Variants in NF1 observed in about 807,000 individuals in gnomAD.
The protein encoded by NF1 is neurofibromin.
Under a neutral mutation model 325.7 loss-of-function variants are expected in NF1, and 122 were observed. That is an observed-to-expected ratio of 0.37 (90% CI 0.32 to 0.44). The LOEUF is 0.44. Among genes scored for constraint, NF1 ranks in the 20% least tolerant of loss-of-function variants. NF1 has a pLI of 1.00. For synonymous variants in NF1, 1,091 were observed against 1,186.0 expected (o/e 0.92, Z 1.65); for missense variants, 2,140 against 3,415.4 (o/e 0.63, Z 9.31).
At chr17:31,361,081 C>CAAAAAAAAAAAAAAA (rs60249232) in intron 57 of NF1, 29 of 46,548 alleles carry the variant, frequency 6.2e-4, no homozygotes, top group Admixed American at 1.1e-3. Context: ...CATACTATAT[C>CAAAAAAAAAAAAAAA]AAAAAAAAAA....
At position 31,163,534 on chromosome 17, in the gene NF1, A is replaced by G. The variant is rs546632437; in HGVS notation, c.479+158A>G. ...ACAGCAGCTTTGACCTCCCAGGCTT[A>G]GGTGATCCTCCTACCTCAGCCTCCA... On this transcript the variant is annotated intron_variant, in intron 4 of 57. Transcript: ENST00000358273. 3.3e-5 allele frequency among the ~76,000 whole-genome samples: 5 copies of G among 152,296 alleles called. No individual in the cohort carries two copies. In the East Asian group the frequency reaches 9.6e-4, roughly 29 times the overall value.
intron 48 of NF1, among the ~76,000 whole-genome samples, chr17:31,345,328 T>C (rs2069943337): frequency 6.6e-6 from 1 of 152,210 alleles, no homozygotes; most frequent in Non-Finnish European, 1.5e-5. Flanking sequence ...CGCCTGCGAC[T>C]CGGTCCCGGC....
intron 57 of NF1, among the ~76,000 whole-genome samples, chr17:31,368,760 A>G (rs1422910868): frequency 6.6e-6 from 1 of 152,208 alleles, no homozygotes; most frequent in African/African-American, 2.4e-5. Flanking sequence ...TATTTTGTCT[A>G]ACAACCCTTT....
Position 31,360,483 on chromosome 17 carries a change from A to G in NF1, c.8161-4A>G, listed in dbSNP as rs2151587589. 6.2e-7 allele frequency: 1 copy of G among 1,613,102 alleles called. No homozygotes were observed. The highest frequency in any genetic ancestry group is 8.5e-7 in the Non-Finnish European group (1 of 1,179,050). On this transcript the variant is annotated splice_region_variant and splice_polypyrimidine_tract_variant and intron_variant, in intron 56 of 57. Coordinates refer to ENST00000358273, the MANE Select transcript of NF1 (RefSeq NM_001042492.3). ...CTAAAATAATTTCCTATTTTCCATT[A>G]CAGCAAACACAAATTCCAGACTATG...
At chr17:31,227,074 G>A in intron 18 of NF1, 144 bp from the exon 19 acceptor site, 1 of 804,830 alleles carries the variant, frequency 1.2e-6, no homozygotes, top group Non-Finnish European at 2.2e-6. Flanking sequence ...TTTCCTGTGA[G>A]GTTAGTGAAA....
At chr17:31,363,037 C>T (rs1432449891) in intron 57 of NF1, among the ~76,000 whole-genome samples, 1 of 152,164 alleles carries the variant, frequency 6.6e-6, no homozygotes, top group Non-Finnish European at 1.5e-5. Context: ...CCTCCATTAG[C>T]TCTCCAAAGT....
At chr17:31,200,616 C>G (rs373854997) in intron 9 of NF1, 21 bp downstream of exon 9, 1 of 1,611,002 alleles carries the variant, frequency 6.2e-7, no homozygotes, top group Non-Finnish European at 8.5e-7. Context: ...TATTCTTTCT[C>G]TACTACAAAC....
chr17:31,096,934 A>G (rs1236340973), intron 1 of NF1, among the ~76,000 whole-genome samples: 3 of 98,536 alleles, frequency 3.0e-5, no homozygotes, highest in Non-Finnish European at 5.9e-5. Flanking sequence ...CTTGGTAGAA[A>G]AGACTCTGTA....
intron 1 of NF1, among the ~76,000 whole-genome samples, chr17:31,130,934 A>T (rs913750954): frequency 1.3e-5 from 2 of 151,778 alleles, no homozygotes; most frequent in Non-Finnish European, 2.9e-5. Flanking sequence ...TGGTTGGAGC[A>T]CTCTGCCTGT....
intron 1 of NF1, among the ~76,000 whole-genome samples, chr17:31,120,247 A>C (rs537923824): frequency 2.8e-4 from 43 of 152,242 alleles, no homozygotes; most frequent in South Asian, 1.5e-3. Flanking sequence ...ATGAGCATGG[A>C]ATGTTTTTTC....
chr17:31,123,835 C>G (rs568787596), intron 1 of NF1, among the ~76,000 whole-genome samples: 5 of 152,204 alleles, frequency 3.3e-5, no homozygotes, highest in African/African-American at 1.2e-4. Flanking sequence ...CCAGCTTGGG[C>G]GATAGTGGCA....
intron 40 of NF1, among the ~76,000 whole-genome samples, chr17:31,335,744 T>A (rs1208884798): frequency 6.6e-6 from 1 of 151,888 alleles, no homozygotes; most frequent in Non-Finnish European, 1.5e-5. Context: ...AGTGGTACAG[T>A]CTCGGCTCAT....
At chr17:31,345,339 G>A (rs541840662) in intron 48 of NF1, among the ~76,000 whole-genome samples, 13 of 152,174 alleles carry the variant, frequency 8.5e-5, no homozygotes, top group Non-Finnish European at 1.3e-4. Context: ...CGGTCCCGGC[G>A]CTGGGCTGAG....
Position 31,374,435 on chromosome 17 carries a change from T to C in NF1, c.*280T>C. Reference sequence around the variant, plus strand: ...AGAAAGTGGGAGGTCAGGAAACTTTTAACTGAGAAATCTCAATTGTAAGAG... The same window carrying C: ...AGAAAGTGGGAGGTCAGGAAACTTTCAACTGAGAAATCTCAATTGTAAGAG... On this transcript the variant is annotated 3_prime_UTR_variant, in exon 58 of 58. Transcript: ENST00000358273. 1 of 492,708 alleles carries C rather than the reference T, an allele frequency of 2.0e-6. No individual in the cohort carries two copies. The highest frequency in any genetic ancestry group is 3.7e-6 in the Non-Finnish European group (1 of 269,836). 30.5% of individuals were successfully genotyped at this position (492,708 alleles called of 1,614,324 possible).
chr17:31,373,610 A>T (rs2070686237), intron 57 of NF1, among the ~76,000 whole-genome samples: 1 of 152,242 alleles, frequency 6.6e-6, no homozygotes, highest in Non-Finnish European at 1.5e-5. Flanking sequence ...GTTGTATCTT[A>T]TCACAAATAT....
At chr17:31,323,327 C>T (rs933230327) in intron 36 of NF1, among the ~76,000 whole-genome samples, 5 of 151,864 alleles carry the variant, frequency 3.3e-5, no homozygotes, top group African/African-American at 1.2e-4. Context: ...GTGGGAGGAT[C>T]ACCTGAGCCT....
chr17:31,372,587 T>G (rs1190868877), intron 57 of NF1, among the ~76,000 whole-genome samples: 1 of 152,186 alleles, frequency 6.6e-6, no homozygotes, highest in Non-Finnish European at 1.5e-5. Context: ...TCATGCCCCC[T>G]TAAGTCACTA....
At chr17:31,217,730 C>T (rs994526259) in intron 13 of NF1, among the ~76,000 whole-genome samples, 10 of 151,090 alleles carry the variant, frequency 6.6e-5, no homozygotes, top group Admixed American at 4.0e-4. Context: ...GTTGGGAAGC[C>T]GAGGCAGGTG....
intron 24 of NF1, among the ~76,000 whole-genome samples, chr17:31,231,349 A>T (rs1338014940): frequency 2.6e-5 from 4 of 152,190 alleles, no homozygotes; most frequent in Non-Finnish European, 4.4e-5. Flanking sequence ...TGCTTTAATG[A>T]TACTTATTGA....
Sources: gnomAD v4.1 joint callset for allele counts (sites outside exome capture counted in the v4.1 genomes callset) on GRCh38, gnomAD v4.1.1 for gene constraint, MANE v1.5 for transcripts, NCBI Gene and HGNC (gene_info 2026-07-23, HGNC 2026-07-21) for gene names.